The following PNPLA7 variants were observed in gnomAD, a reference collection of about 807,000 sequenced individuals.
PNPLA7 encodes the protein patatin like domain 7, lysophospholipase.
Under a neutral mutation model 161.7 loss-of-function variants are expected in PNPLA7, and 153 were observed. The ratio of observed to expected loss-of-function variants is 0.95; its 90% confidence interval spans 0.83 to 1.08. PNPLA7 has a LOEUF of 1.08. PNPLA7 is among the 50% of genes least tolerant of loss of function. PNPLA7 has a pLI of 0.00. For synonymous variants in PNPLA7, 809 were observed against 782.1 expected, an observed-to-expected ratio of 1.03 and a Z score of -0.57; for missense variants, 1,739 against 1,856.6, an observed-to-expected ratio of 0.94 and a Z score of 1.16.
At position 137,460,119 on chromosome 9, in the gene PNPLA7, G is replaced by T; in HGVS notation, c.*274C>A. On this transcript the variant is annotated 3_prime_UTR_variant, in exon 35 of 35. Coordinates refer to ENST00000406427, the MANE Select transcript of PNPLA7 (RefSeq NM_001098537.3). Reference sequence around the variant, plus strand: ...CTTCGGGGGGCCTCACAGGGCTTCGGGGGGCCTCACAGGGCTGCAGGGGGT... The same window carrying T: ...CTTCGGGGGGCCTCACAGGGCTTCGTGGGGCCTCACAGGGCTGCAGGGGGT... The T allele has an allele frequency of 2.7e-6, 1 of 370,304 alleles. No homozygotes were observed. The allele number at this position is 370,304 out of a possible 1,614,324, so 22.9% of individuals were successfully genotyped here.
intron 25 of PNPLA7, among the ~76,000 whole-genome samples, chr9:137,471,396 C>T (rs769516509): frequency 1.1e-4 from 16 of 152,046 alleles, no homozygotes; most frequent in Non-Finnish European, 2.1e-4. Flanking sequence ...ATCAGGAGTT[C>T]AAGACCAGCC....
intron 1 of PNPLA7, among the ~76,000 whole-genome samples, chr9:137,548,968 C>A (rs1836693458): frequency 6.6e-6 from 1 of 152,206 alleles, no homozygotes; most frequent in Non-Finnish European, 1.5e-5. Context: ...GACCATGTCC[C>A]TCACTTAAGG....
intron 20 of PNPLA7, chr9:137,492,229 G>C (rs1257867494): frequency 2.0e-6 from 2 of 985,106 alleles, no homozygotes; most frequent in Non-Finnish European, 2.4e-6. Context: ...CTCTAGAATG[G>C]TCTCATTATC....
intron 20 of PNPLA7, among the ~76,000 whole-genome samples, chr9:137,489,885 T>G (rs1270744582): frequency 1.3e-5 from 2 of 152,194 alleles, no homozygotes; most frequent in African/African-American, 4.8e-5. Context: ...GGTCTAACAC[T>G]TGTGCCACTT....
chr9:137,501,814 G>GAGCGGTGA, intron 14 of PNPLA7, 87 bp from the exon 15 acceptor site: 1 of 1,362,916 alleles, frequency 7.3e-7, no homozygotes, highest in Non-Finnish European at 1.0e-6. Flanking sequence ...CTGTTCAGGG[G>GAGCGGTGA]CAACGAGCGG....
rs1836337804 is a variant in PNPLA7 at position 137,543,681 on chromosome 9, G to A, written c.365+43C>T. On this transcript the variant is annotated intron_variant, in intron 5 of 34. Coordinates refer to ENST00000406427, the MANE Select transcript of PNPLA7 (RefSeq NM_001098537.3). This position sits in a 1 kb window ranked among gnomAD's most constrained non-coding sequence, Gnocchi z 6.9. The stretch of plus-strand genomic sequence containing the variant: ...CAGGGTTGGGGAGGCCAGCACCATG[G>A]GGGGCACCTGGGGCAGGATGTGGTC... The A allele has an allele frequency of 6.2e-7, 1 of 1,611,678 alleles. No individual in the cohort carries two copies. Among genetic ancestry groups the A allele is most frequent in the Non-Finnish European group, 8.5e-7 (1 of 1,178,136 alleles).
intron 20 of PNPLA7, among the ~76,000 whole-genome samples, chr9:137,489,708 C>T (rs1588583886): frequency 6.6e-6 from 1 of 152,142 alleles, no homozygotes; most frequent in South Asian, 2.1e-4. Flanking sequence ...GATGACAGAA[C>T]ATTTTTTTAA....
At chr9:137,494,975 T>C (rs1832971116) in intron 19 of PNPLA7, 58 bp downstream of exon 19, 2 of 1,462,156 alleles carry the variant, frequency 1.4e-6, no homozygotes, top group Non-Finnish European at 1.9e-6. Flanking sequence ...ACCTGTTCCA[T>C]GCCCTCATCC....
At chr9:137,483,268 G>A (rs17065427) in intron 21 of PNPLA7, among the ~76,000 whole-genome samples, 3,301 of 152,194 alleles carry the variant, frequency 0.022, 134 homozygotes, top group African/African-American at 0.073. Flanking sequence ...TTTATGTGAC[G>A]CGGGACAGCT....
Position 137,543,379 on chromosome 9 carries a change from A to C in PNPLA7, c.506+53T>G. On this transcript the variant is annotated intron_variant, in intron 6 of 34. Coordinates refer to ENST00000406427, the MANE Select transcript of PNPLA7 (RefSeq NM_001098537.3). This position sits in a 1 kb window ranked among gnomAD's most constrained non-coding sequence, Gnocchi z 6.9. ...AAGCTGGAGCCAGGCCCCAGCGAGA[A>C]GCCCGGGGCTATGGGAGCTGCCGCA... 2 of 1,608,940 alleles carry C rather than the reference A, an allele frequency of 1.2e-6. No individual in the cohort carries two copies. The highest frequency in any genetic ancestry group is 1.7e-6 in the Non-Finnish European group (2 of 1,177,682).
intron 21 of PNPLA7, among the ~76,000 whole-genome samples, chr9:137,481,314 C>T (rs1315653733): frequency 3.9e-4 from 60 of 152,360 alleles, no homozygotes; most frequent in Non-Finnish European, 7.3e-5. Flanking sequence ...TCGGTCCCCT[C>T]CAGCACGAGC....
At position 137,460,666 on chromosome 9, in the gene PNPLA7, G is replaced by A; in HGVS notation, c.3913C>T (p.Gln1305Ter). 1.9e-6 allele frequency: 3 copies of A among 1,612,810 alleles called. No homozygotes were observed. In the East Asian group the frequency reaches 6.7e-5, roughly 36 times the overall value. ...DVPRDAYADF[Q>*]STSAQQGSDL... The stretch of plus-strand genomic sequence containing the variant: ...GAGCCCTGCTGGGCTGAGGTGCTCT[G>A]GAAGTCTGCGTATGCATCCCTGGGG... Residue 1305 changes from glutamine (Q) to a stop codon, truncating the protein, a stop_gained, in exon 34 of 35, where the codon CAG (glutamine) becomes TAG (stop). Coordinates refer to ENST00000406427, the MANE Select transcript of PNPLA7 (RefSeq NM_001098537.3). LOFTEE classifies it low-confidence loss of function (END_TRUNC).
intron 25 of PNPLA7, among the ~76,000 whole-genome samples, chr9:137,471,992 G>T (rs1831728363): frequency 6.6e-6 from 1 of 152,040 alleles, no homozygotes; most frequent in African/African-American, 2.4e-5. Flanking sequence ...CAGTAACTAA[G>T]GCAGTGTAGT....
At chr9:137,481,686 G>C (rs1237162363) in intron 21 of PNPLA7, among the ~76,000 whole-genome samples, 1 of 152,192 alleles carries the variant, frequency 6.6e-6, no homozygotes. Flanking sequence ...AGATCGGCTG[G>C]GCGCGGTGGC....
chr9:137,495,249 C>A (rs1396225774), intron 18 of PNPLA7, 103 bp from the exon 19 acceptor site: 5 of 741,624 alleles, frequency 6.7e-6, no homozygotes, highest in Middle Eastern at 6.1e-4. Context: ...ACACATGACA[C>A]CCCATCCACA....
chr9:137,488,100 C>T (rs578012856), intron 20 of PNPLA7, among the ~76,000 whole-genome samples: 1 of 152,378 alleles, frequency 6.6e-6, no homozygotes, highest in Admixed American at 6.5e-5. Flanking sequence ...AGACGGAGAA[C>T]CGCCTCCTCA....
chr9:137,460,806 C>G (rs964524250), intron 33 of PNPLA7, 69 bp from the exon 34 acceptor site: 5 of 1,445,286 alleles, frequency 3.5e-6, no homozygotes, highest in Middle Eastern at 1.8e-4. Flanking sequence ...TAGCCACACT[C>G]AGAGGCAGAA....
intron 12 of PNPLA7, among the ~76,000 whole-genome samples, chr9:137,513,954 C>T (rs896623994): frequency 3.3e-5 from 5 of 152,266 alleles, no homozygotes; most frequent in East Asian, 1.9e-4. Context: ...GGGTGGCAGA[C>T]GGCAGAGGGG....
intron 9 of PNPLA7, among the ~76,000 whole-genome samples, chr9:137,521,990 TA>T (rs1225377393): frequency 2.6e-5 from 4 of 152,244 alleles, no homozygotes; most frequent in Non-Finnish European, 4.4e-5. Context: ...AGAAGTTTAA[TA>T]AAAATGTAAA....
Sources: allele counts gnomAD v4.1 joint callset (sites outside exome capture counted in the v4.1 genomes callset), GRCh38; gene constraint gnomAD v4.1.1; non-coding constraint Gnocchi (gnomAD v3.1); transcripts MANE v1.5; gene names NCBI Gene and HGNC (gene_info 2026-07-23, HGNC 2026-07-21).